The following PPFIA2 variants were observed in gnomAD, a reference collection of about 807,000 sequenced individuals.
PPFIA2 encodes liprin-alpha-2.
PPFIA2 carries 46 observed loss-of-function variants against 175.5 expected under a neutral mutation model. The observed-to-expected ratio is 0.26, with a 90% CI of 0.21 to 0.34. The LOEUF (loss-of-function observed/expected upper bound fraction) is 0.34. Among genes scored for constraint, PPFIA2 ranks in the 10% least tolerant of loss-of-function variants. The pLI is 1.00. For synonymous variants in PPFIA2, 568 were observed against 511.4 expected (o/e 1.11, Z -1.49); for missense variants, 1,179 against 1,506.1 (o/e 0.78, Z 3.60).
At chr12:81,486,645 C>G (rs1593793632) in intron 4 of PPFIA2, among the ~76,000 whole-genome samples, 1 of 151,652 alleles carries the variant, frequency 6.6e-6, no homozygotes, top group African/African-American at 2.4e-5. Context: ...GTCATTACAT[C>G]CTAAAACTAA....
chr12:81,692,859 G>C (rs1429134278), intron 3 of PPFIA2, among the ~76,000 whole-genome samples: 1 of 152,032 alleles, frequency 6.6e-6, no homozygotes, highest in Non-Finnish European at 1.5e-5. Context: ...TCTAGGTGGA[G>C]TTTTGATACC....
At chr12:81,663,495 C>T (rs1315479102) in intron 4 of PPFIA2, among the ~76,000 whole-genome samples, 1 of 152,062 alleles carries the variant, frequency 6.6e-6, no homozygotes, top group African/African-American at 2.4e-5. Flanking sequence ...ATGGAAGGAC[C>T]TCTTCAAGGA....
intron 4 of PPFIA2, among the ~76,000 whole-genome samples, chr12:81,613,385 C>T (rs1595618013): frequency 6.6e-6 from 1 of 152,134 alleles, no homozygotes; most frequent in African/African-American, 2.4e-5. Context: ...AACTTGCACA[C>T]GCCCTCCATG....
chr12:81,421,052 A>C (rs2046155070), intron 7 of PPFIA2, among the ~76,000 whole-genome samples: 1 of 152,164 alleles, frequency 6.6e-6, no homozygotes, highest in Non-Finnish European at 1.5e-5. Context: ...TCTACCAAGA[A>C]CAATATATCC....
intron 3 of PPFIA2, among the ~76,000 whole-genome samples, chr12:81,737,604 A>AT (rs772039339): frequency 3.3e-5 from 5 of 152,174 alleles, no homozygotes; most frequent in East Asian, 3.9e-4. Context: ...AATGAAACAG[A>AT]TAAAAGGAAT....
intron 4 of PPFIA2, among the ~76,000 whole-genome samples, chr12:81,485,114 A>C (rs1432628624): frequency 6.6e-6 from 1 of 151,894 alleles, no homozygotes; most frequent in Non-Finnish European, 1.5e-5. Flanking sequence ...CTATATTTCA[A>C]AAAGCCAGCC....
chr12:81,362,613 T>C, intron 15 of PPFIA2, 80 bp downstream of exon 15: 2 of 894,328 alleles, frequency 2.2e-6, no homozygotes, highest in South Asian at 1.7e-5. Flanking sequence ...TGATTTATTT[T>C]AGTTGAGGAC....
At chr12:81,570,907 A>G (rs1398925970) in intron 4 of PPFIA2, among the ~76,000 whole-genome samples, 1 of 151,940 alleles carries the variant, frequency 6.6e-6, no homozygotes, top group Non-Finnish European at 1.5e-5. Context: ...ATTCTTCTAA[A>G]GTTTTGACTG....
chr12:81,354,953 T>A (rs1188015283), intron 16 of PPFIA2, among the ~76,000 whole-genome samples: 1 of 152,174 alleles, frequency 6.6e-6, no homozygotes, highest in African/African-American at 2.4e-5. Flanking sequence ...AAGGTTGATG[T>A]TTTGACCTTC....
intron 27 of PPFIA2, 46 bp downstream of exon 27, chr12:81,281,211 T>C: frequency 7.2e-7 from 1 of 1,396,712 alleles, no homozygotes. Flanking sequence ...TAATATATTG[T>C]TTCATTTTAA....
intron 4 of PPFIA2, among the ~76,000 whole-genome samples, chr12:81,604,656 A>G (rs149966602): frequency 1.1e-3 from 164 of 151,796 alleles, no homozygotes; most frequent in African/African-American, 3.8e-3. Flanking sequence ...TATGTTATCA[A>G]TCATTGGTTT....
At chr12:81,574,037 C>T (rs1595125835) in intron 4 of PPFIA2, among the ~76,000 whole-genome samples, 2 of 151,776 alleles carry the variant, frequency 1.3e-5, no homozygotes, top group Non-Finnish European at 2.9e-5. Flanking sequence ...TTTTGGCTTA[C>T]AACTAGACAG....
At chr12:81,323,177 T>A (rs576732859) in intron 22 of PPFIA2, among the ~76,000 whole-genome samples, 4 of 151,998 alleles carry the variant, frequency 2.6e-5, no homozygotes, top group African/African-American at 9.7e-5. Flanking sequence ...TTACAGACTG[T>A]CAATTCTAAA....
At chr12:81,689,721 G>A (rs374525473) in intron 3 of PPFIA2, among the ~76,000 whole-genome samples, 4 of 151,850 alleles carry the variant, frequency 2.6e-5, no homozygotes, top group Non-Finnish European at 5.9e-5. Flanking sequence ...TTCATTTACT[G>A]GGATCAATTT....
intron 4 of PPFIA2, among the ~76,000 whole-genome samples, chr12:81,458,675 G>A (rs2054007396): frequency 6.6e-6 from 1 of 152,088 alleles, no homozygotes; most frequent in African/African-American, 2.4e-5. Context: ...ATATGATATG[G>A]TATTTTTACC....
At chr12:81,333,453 C>T (rs772034536) in intron 21 of PPFIA2, among the ~76,000 whole-genome samples, 1 of 152,122 alleles carries the variant, frequency 6.6e-6, no homozygotes, top group Non-Finnish European at 1.5e-5. Context: ...AACCTTCCTC[C>T]AGGTTGATGA....
rs1226736657 is a variant in PPFIA2 at position 81,327,364 on chromosome 12, T to C, written c.2549-1494A>G. Among the ~76,000 whole-genome samples the C allele has an allele frequency of 5.3e-5, 8 of 152,216 alleles. No homozygotes were observed. In the East Asian group the frequency reaches 1.5e-3, roughly 29 times the overall value. On this transcript the variant is annotated intron_variant, in intron 21 of 32. Coordinates refer to ENST00000549396, the MANE Select transcript of PPFIA2 (RefSeq NM_003625.5). ...ATGGATTAGGAAAGCCTTCTACTGGTGACTAAAGTACTCTTGGGAAAGAAA... is the reference window on the plus strand; with the variant it reads ...ATGGATTAGGAAAGCCTTCTACTGGCGACTAAAGTACTCTTGGGAAAGAAA...
intron 22 of PPFIA2, among the ~76,000 whole-genome samples, chr12:81,308,022 T>A (rs1489466485): frequency 6.6e-6 from 1 of 152,198 alleles, no homozygotes; most frequent in South Asian, 2.1e-4. Flanking sequence ...CTCTCTTCTA[T>A]GCAAATACCA....
chr12:81,387,014 A>C (rs2039123364), intron 8 of PPFIA2, among the ~76,000 whole-genome samples: 5 of 151,970 alleles, frequency 3.3e-5, no homozygotes. Context: ...TCTAAAACTG[A>C]CCTCAATGCC....
Sources: gnomAD v4.1 joint callset for allele counts (sites outside exome capture counted in the v4.1 genomes callset) on GRCh38, gnomAD v4.1.1 for gene constraint, MANE v1.5 for transcripts, NCBI Gene and HGNC (gene_info 2026-07-23, HGNC 2026-07-21) for gene names.